The following APPL1 variants were observed in gnomAD, a reference collection of about 807,000 sequenced individuals.
APPL1 encodes adaptor protein, phosphotyrosine interacting with PH domain and leucine zipper 1, also known as DCC-interacting protein 13-alpha.
A neutral mutation model predicts 106.8 loss-of-function variants in APPL1; 42 were observed. The observed-to-expected ratio is 0.39, with a 90% CI of 0.31 to 0.51. The LOEUF (loss-of-function observed/expected upper bound fraction) is 0.51, where lower values mean the gene tolerates loss of function less well. APPL1 is among the 20% of genes least tolerant of loss of function. The pLI is 0.75. For missense variants in APPL1, 769 were observed against 858.2 expected, an observed-to-expected ratio of 0.90 and a Z score of 1.30; for synonymous variants, 263 against 281.8, an observed-to-expected ratio of 0.93 and a Z score of 0.67.
chr3:57,259,777 G>T, intron 16 of APPL1, 68 bp from the exon 17 acceptor site: 2 of 1,278,910 alleles, frequency 1.6e-6, no homozygotes, highest in South Asian at 1.8e-5. Context: ...AAGAAATATG[G>T]CGAAAAAAAT....
At chr3:57,229,594 A>G (rs7628985) in intron 1 of APPL1, among the ~76,000 whole-genome samples, 2 of 151,798 alleles carry the variant, frequency 1.3e-5, no homozygotes, top group Non-Finnish European at 1.5e-5. Context: ...GGCTGTTCAC[A>G]GACACTATCG....
chr3:57,236,408 A>G (rs2060717073), intron 2 of APPL1, among the ~76,000 whole-genome samples: 2 of 148,398 alleles, frequency 1.3e-5, no homozygotes, highest in South Asian at 4.3e-4. Flanking sequence ...AGCTCACTGC[A>G]CCCTCCACCT....
chr3:57,247,608 G>T, intron 9 of APPL1, 131 bp downstream of exon 9: 11 of 606,732 alleles, frequency 1.8e-5, no homozygotes, highest in South Asian at 7.3e-5. Flanking sequence ...TTTCTTATGT[G>T]GTTCATGGTT....
At position 57,227,815 on chromosome 3, in the gene APPL1, G is replaced by T; in HGVS notation, c.-69G>T. 2.2e-6 allele frequency: 3 copies of T among 1,336,996 alleles called. No homozygotes were observed. Among genetic ancestry groups the T allele is most frequent in the South Asian group, 3.0e-5 (2 of 66,184 alleles). The allele number at this position is 1,336,996 out of a possible 1,614,324, so 82.8% of individuals were successfully genotyped here. A position where few individuals can be genotyped will look rare whatever the true frequency, so the allele number is the denominator to read the frequency against. On this transcript the variant is annotated 5_prime_UTR_variant, in exon 1 of 22. Transcript: ENST00000288266. ...AGAGGGCGGGCCGGGGTCAGCTGCG[G>T]CGGGCGGGCCGGCGCGGGGAGCTGT...
intron 15 of APPL1, among the ~76,000 whole-genome samples, chr3:57,258,410 T>C (rs1413154890): frequency 1.3e-5 from 2 of 152,194 alleles, no homozygotes; most frequent in African/African-American, 4.8e-5. Context: ...TCCTCCTGCC[T>C]CGGCCTCCCA....
chr3:57,228,098 TG>T lies in APPL1; in HGVS notation c.54+164del, dbSNP rs2060662892. Among the ~76,000 whole-genome samples, 1 of 151,736 alleles carries T rather than the reference TG, an allele frequency of 6.6e-6. No homozygotes were observed. Among genetic ancestry groups the T allele is most frequent in the Admixed American group, 6.6e-5 (1 of 15,240 alleles). ...AGGCCGCGCCCGGAGTTGTGGAGGC[TG>T]GGCCCGCCGCCCAAGGCCCGCGTGG... On this transcript the variant is annotated intron_variant, in intron 1 of 21. Coordinates refer to ENST00000288266, the MANE Select transcript of APPL1 (RefSeq NM_012096.3). The surrounding 1 kb of genome is among the most constrained non-coding windows in gnomAD (Gnocchi z 4.6).
chr3:57,269,599 G>A lies in APPL1; in HGVS notation c.2042G>A (p.Ser681Asn). ...TCCAGTAGACCAAACCAAGCCAGTA[G>A]TGAGGGGCAGTTTGTTGTCCTTAGC... ...AASSRPNQAS[S>N]EGQFVVLSSS... is the part of the protein sequence containing the mutation. The change falls in exon 22 of 22, where the codon AGT becomes AAT. Residue 681 changes from serine (S) to asparagine (N), a missense_variant. By Grantham distance (46) the Ser-to-Asn change is conservative. Transcript: ENST00000288266. The A allele has an allele frequency of 6.2e-7, 1 of 1,614,170 alleles. No individual in the cohort carries two copies. The highest frequency in any genetic ancestry group is 8.5e-7 in the Non-Finnish European group (1 of 1,180,026).
intron 2 of APPL1, 138 bp from the exon 3 acceptor site, chr3:57,237,354 T>G: frequency 1.6e-6 from 1 of 632,080 alleles, no homozygotes; most frequent in Non-Finnish European, 2.7e-6. Flanking sequence ...GTAGTACCCC[T>G]TTCCAGTGAT....
At chr3:57,266,139 T>C (rs555746245) in intron 19 of APPL1, among the ~76,000 whole-genome samples, 2 of 152,360 alleles carry the variant, frequency 1.3e-5, no homozygotes, top group South Asian at 4.1e-4. Context: ...TCATGAGATA[T>C]ATTGGCCTGT....
Position 57,254,934 on chromosome 3 carries a change from A to G in APPL1, c.1152+1196A>G, listed in dbSNP as rs142457862. ...GCCACCACGCCCAGCCAAGTTAAAG[A>G]TTCTTGATAGAGAATACAAAACTGA... On this transcript the variant is annotated intron_variant, in intron 13 of 21. Coordinates refer to ENST00000288266, the MANE Select transcript of APPL1 (RefSeq NM_012096.3). Among the ~76,000 whole-genome samples the G allele has an allele frequency of 1.3e-3, 197 of 152,372 alleles. 3 individuals are homozygous for G. The highest frequency in any genetic ancestry group is 4.6e-3 in the African/African-American group (190 of 41,596).
chr3:57,257,251 C>T lies in APPL1; in HGVS notation c.1253C>T (p.Ser418Phe). 6.2e-7 allele frequency: 1 copy of T among 1,610,448 alleles called. No individual in the cohort carries two copies. Among genetic ancestry groups the T allele is most frequent in the Non-Finnish European group, 8.5e-7 (1 of 1,178,644 alleles). ...CCTTCTTGTTTTATGCTTAGACAATCTCGGCCACCGACAGCTCGAACCAGC... is the reference window on the plus strand; with the variant it reads ...CCTTCTTGTTTTATGCTTAGACAATTTCGGCCACCGACAGCTCGAACCAGC... ...HESLRPAAGQ[S>F]RPPTARTSSS... is the part of the protein sequence containing the mutation. The change falls in exon 15 of 22, where the codon TCT (serine) becomes TTT (phenylalanine). Residue 418 changes from serine to phenylalanine, a missense_variant. Ser to Phe is a radical substitution (Grantham distance 155). Coordinates refer to ENST00000288266, the MANE Select transcript of APPL1 (RefSeq NM_012096.3).
Position 57,270,626 on chromosome 3 carries a change from A to G in APPL1, c.*939A>G, listed in dbSNP as rs933513326. On this transcript the variant is annotated 3_prime_UTR_variant, in exon 22 of 22. Transcript: ENST00000288266. ...TTTCATGCTTAAAGTAAAAATTCCC[A>G]GAGTTTAGTTTAGAAAATGTAATCT... The G allele has an allele frequency of 1.3e-5, 2 of 152,632 alleles. No homozygotes were observed. Among genetic ancestry groups the G allele is most frequent in the African/African-American group, 4.8e-5 (2 of 41,462 alleles). The allele number at this position is 152,632 out of a possible 1,614,324, so 9.5% of individuals were successfully genotyped here. A position where few individuals can be genotyped will look rare whatever the true frequency, so the allele number is the denominator to read the frequency against.
chr3:57,235,741 TGTTTAC>T, intron 2 of APPL1, 77 bp downstream of exon 2: 3 of 993,354 alleles, frequency 3.0e-6, no homozygotes, highest in Non-Finnish European at 4.7e-6. Flanking sequence ...GTGTCTGTCT[TGTTTAC>T]CACTGCTTTA....
intron 10 of APPL1, 75 bp downstream of exon 10, chr3:57,248,426 ATGTC>A: frequency 6.8e-7 from 1 of 1,466,792 alleles, no homozygotes; most frequent in Non-Finnish European, 9.2e-7. Context: ...TAAATAATTG[ATGTC>A]TGTCATATTT....
At chr3:57,249,998 A>G (rs746764916) in intron 11 of APPL1, among the ~76,000 whole-genome samples, 1 of 152,112 alleles carries the variant, frequency 6.6e-6, no homozygotes, top group Non-Finnish European at 1.5e-5. Flanking sequence ...CCTATCGTAA[A>G]TTGTTGTGAG....
At position 57,269,684 on chromosome 3, in the gene APPL1, A is replaced by G. The variant is rs1350216779; in HGVS notation, c.2127A>G (p.Ala709=). The G allele has an allele frequency of 6.2e-7, 1 of 1,613,836 alleles. No individual in the cohort carries two copies. Among genetic ancestry groups the G allele is most frequent in the East Asian group, 2.2e-5 (1 of 44,874 alleles). ...GEGGKKRESE[A] The stretch of plus-strand genomic sequence containing the variant: ...GAGGAAAGAAGAGAGAATCAGAAGC[A>G]TAAGCTTATACTTTTGGTAGATATT... Residue 709 remains alanine (A), a synonymous_variant, in exon 22 of 22, where the codon GCA becomes GCG. Coordinates refer to ENST00000288266, the MANE Select transcript of APPL1 (RefSeq NM_012096.3).
At chr3:57,256,595 G>T (rs2060837728) in intron 13 of APPL1, among the ~76,000 whole-genome samples, 1 of 152,090 alleles carries the variant, frequency 6.6e-6, no homozygotes, top group African/African-American at 2.4e-5. Context: ...CAGGCACTGG[G>T]CTGCATGTTA....
intron 11 of APPL1, 75 bp from the exon 12 acceptor site, chr3:57,252,187 TTTAAAGA>T (rs1369587933): frequency 1.4e-5 from 16 of 1,179,214 alleles, no homozygotes; most frequent in South Asian, 8.3e-5. Context: ...TGCCTTTAAC[TTTAAAGA>T]TTAAAAAGTT....
At chr3:57,250,699 A>G (rs1162344335) in intron 11 of APPL1, among the ~76,000 whole-genome samples, 3 of 152,130 alleles carry the variant, frequency 2.0e-5, no homozygotes, top group African/African-American at 7.2e-5. Flanking sequence ...CTATTTAAGG[A>G]CATACAGTAT....
Sources: allele counts gnomAD v4.1 joint callset (sites outside exome capture counted in the v4.1 genomes callset), GRCh38; gene constraint gnomAD v4.1.1; non-coding constraint Gnocchi (gnomAD v3.1); transcripts MANE v1.5; gene names NCBI Gene and HGNC (gene_info 2026-07-23, HGNC 2026-07-21).